The following XKR9 variants were observed in gnomAD, a reference collection of about 807,000 sequenced individuals.
The protein encoded by XKR9 is XK-related protein 9.
In XKR9, 32 loss-of-function variants were observed where a neutral mutation model predicts 32.0. The ratio of observed to expected loss-of-function variants is 1.00; its 90% CI spans 0.76 to 1.34. XKR9 has a LOEUF of 1.34. XKR9 is among the 40% of genes most tolerant of loss of function. The pLI is 0.00. For missense variants in XKR9, 546 were observed against 429.7 expected, an observed-to-expected ratio of 1.27 and a Z score of -2.39; for synonymous variants, 168 against 143.4, an observed-to-expected ratio of 1.17 and a Z score of -1.22.
At chr8:70,994,873 A>C in the XKR9 span, among the ~76,000 whole-genome samples, 2 of 152,280 alleles carry the variant, frequency 1.3e-5, no homozygotes, top group Non-Finnish European at 2.9e-5. Context: ...TTTTTAAAGA[A>C]GTGACAGGCA....
At chr8:70,733,325 T>C (rs546551828) in intron 4 of XKR9, among the ~76,000 whole-genome samples, 43 of 151,982 alleles carry the variant, frequency 2.8e-4, no homozygotes, top group Admixed American at 2.3e-3. Context: ...CTACCCCTCC[T>C]CCTCTCCTTC....
chr8:70,785,894 T>A (rs955330992), intron 2 of XKR9, among the ~76,000 whole-genome samples: 2 of 151,814 alleles, frequency 1.3e-5, no homozygotes, highest in South Asian at 4.2e-4. Context: ...CATGATCATA[T>A]CTCACTACAA....
At chr8:70,757,246 T>C (rs991362244) in intron 2 of XKR9, among the ~76,000 whole-genome samples, 1 of 152,176 alleles carries the variant, frequency 6.6e-6, no homozygotes, top group Non-Finnish European at 1.5e-5. Flanking sequence ...TTTATGTGCA[T>C]GTTGGTGCAT....
chr8:70,742,432 C>T (rs969226029), intron 2 of XKR9, among the ~76,000 whole-genome samples: 4 of 152,108 alleles, frequency 2.6e-5, no homozygotes, highest in East Asian at 1.9e-4. Context: ...GCACTTGATT[C>T]GGAATCTTTG....
At chr8:70,864,192 T>C in the XKR9 span, among the ~76,000 whole-genome samples, 3 of 152,184 alleles carry the variant, frequency 2.0e-5, no homozygotes, top group Non-Finnish European at 2.9e-5. Flanking sequence ...ATAACTTGTA[T>C]AATAATTTTT....
At chr8:70,756,898 G>T (rs1563470250) in intron 2 of XKR9, among the ~76,000 whole-genome samples, 1 of 152,094 alleles carries the variant, frequency 6.6e-6, no homozygotes, top group Non-Finnish European at 1.5e-5. Flanking sequence ...GAAGTGTTGA[G>T]GGTGGACATC....
chr8:70,846,831 C>T, the XKR9 span, among the ~76,000 whole-genome samples: 1 of 151,966 alleles, frequency 6.6e-6, no homozygotes, highest in Non-Finnish European at 1.5e-5. Context: ...AATACCAGAG[C>T]ATCCAATATA....
chr8:70,851,486 A>G, the XKR9 span, among the ~76,000 whole-genome samples: 8 of 152,086 alleles, frequency 5.3e-5, no homozygotes, highest in African/African-American at 1.2e-4. Context: ...ACAATCCTAA[A>G]CAAAAAGAAC....
At chr8:70,738,819 A>G (rs1168196118), downstream of XKR9, among the ~76,000 whole-genome samples, 1 of 152,142 alleles carries the variant, frequency 6.6e-6, no homozygotes, top group Non-Finnish European at 1.5e-5. Flanking sequence ...GTTTGATTGC[A>G]CTGTGGTCTG....
At chr8:70,722,853 T>C (rs1806328585) in intron 4 of XKR9, among the ~76,000 whole-genome samples, 1 of 152,154 alleles carries the variant, frequency 6.6e-6, no homozygotes, top group Non-Finnish European at 1.5e-5. Context: ...TCTTGCTAGG[T>C]TGGGGAAGTT....
At chr8:70,890,790 T>A in the XKR9 span, among the ~76,000 whole-genome samples, 6 of 152,128 alleles carry the variant, frequency 3.9e-5, no homozygotes, top group East Asian at 1.2e-3. Context: ...GGTCTTAGTA[T>A]CAGGATAATG....
chr8:70,745,348 A>T (rs1807044587), intron 2 of XKR9, among the ~76,000 whole-genome samples: 1 of 152,186 alleles, frequency 6.6e-6, no homozygotes, highest in South Asian at 2.1e-4. Context: ...ATGTGTATAT[A>T]AAAGGCCTTT....
chr8:71,052,705 C>A, the XKR9 span, among the ~76,000 whole-genome samples: 2 of 152,194 alleles, frequency 1.3e-5, no homozygotes, highest in Admixed American at 6.5e-5. Context: ...TGGGTGCCTG[C>A]TTCATGGCTG....
intron 1 of XKR9, among the ~76,000 whole-genome samples, chr8:70,672,228 T>C (rs1818737932): frequency 1.3e-5 from 1 of 74,934 alleles, no homozygotes; most frequent in East Asian, 2.2e-4. Flanking sequence ...ACTTTAAAGT[T>C]CATATGGAAC....
chr8:70,862,635 T>G, the XKR9 span, among the ~76,000 whole-genome samples: 2 of 150,204 alleles, frequency 1.3e-5, no homozygotes, highest in Admixed American at 6.7e-5. Context: ...TTACATCTAA[T>G]ATATATTTAT....
At chr8:70,816,071 G>A in the XKR9 span, among the ~76,000 whole-genome samples, 1 of 152,122 alleles carries the variant, frequency 6.6e-6, no homozygotes, top group African/African-American at 2.4e-5. Flanking sequence ...AATGAGCCGA[G>A]CTTGTGCCAT....
chr8:70,688,287 A>G (rs1819378234), intron 3 of XKR9, among the ~76,000 whole-genome samples: 1 of 152,230 alleles, frequency 6.6e-6, no homozygotes. Flanking sequence ...ATGTGACAAA[A>G]TATGGGTTCT....
downstream of XKR9, among the ~76,000 whole-genome samples, chr8:70,739,946 T>C (rs1482030398): frequency 6.6e-6 from 1 of 152,166 alleles, no homozygotes; most frequent in Non-Finnish European, 1.5e-5. Context: ...ATTATGTGTC[T>C]TGGAGTTGCT....
the XKR9 span, among the ~76,000 whole-genome samples, chr8:70,838,216 A>G: frequency 6.6e-6 from 1 of 152,240 alleles, no homozygotes; most frequent in Non-Finnish European, 1.5e-5. Context: ...CACCATATCC[A>G]GTGCAGAACG....
Sources: gnomAD v4.1 joint callset for allele counts (sites outside exome capture counted in the v4.1 genomes callset) on GRCh38, gnomAD v4.1.1 for gene constraint, MANE v1.5 for transcripts, NCBI Gene and HGNC (gene_info 2026-07-23, HGNC 2026-07-21) for gene names.